CCDC157: variants seen among roughly 807,000 people sequenced by gnomAD.
CCDC157 encodes coiled-coil domain containing 157.
In CCDC157, 60 loss-of-function variants were observed where a neutral mutation model predicts 70.9. That is an observed-to-expected ratio of 0.85 (90% confidence interval 0.69 to 1.05). The LOEUF (loss-of-function observed/expected upper bound fraction) is 1.05, where lower values mean the gene tolerates loss of function less well. CCDC157 is among the 50% of genes least tolerant of loss of function. The pLI, the probability that CCDC157 is intolerant of heterozygous loss-of-function variation, is 0.00. For missense variants in CCDC157, 943 were observed against 984.2 expected, an observed-to-expected ratio of 0.96 and a Z score of 0.56; for synonymous variants, 373 against 422.4, an observed-to-expected ratio of 0.88 and a Z score of 1.43.
At chr22:30,356,837 C>G (rs1292579760), upstream of CCDC157, 1 of 1,302,438 alleles carries the variant, frequency 7.7e-7, no homozygotes, top group South Asian at 2.1e-5. Flanking sequence ...TGTCGGTGAG[C>G]GGTGCCGCCT....
intron 2 of CCDC157, 97 bp from the exon 3 acceptor site, chr22:30,365,892 CG>C: frequency 8.2e-7 from 1 of 1,218,778 alleles, no homozygotes; most frequent in Non-Finnish European, 1.1e-6. Flanking sequence ...GGTGAACTTC[CG>C]GCCTAGCAGC....
intron 9 of CCDC157, 170 bp from the exon 10 acceptor site, chr22:30,375,309 T>A: frequency 1.6e-6 from 1 of 626,848 alleles, no homozygotes; most frequent in Non-Finnish European, 2.7e-6. Context: ...GATTTTATAA[T>A]ACTATGGTCA....
chr22:30,371,403 A>G (rs985011947), intron 5 of CCDC157: 34 of 553,822 alleles, frequency 6.1e-5, no homozygotes, highest in Middle Eastern at 9.6e-4. Flanking sequence ...TCTGAGCCTC[A>G]TCACAGTTGC....
Position 30,372,208 on chromosome 22 carries a change from T to G in CCDC157, c.1257T>G (p.Ala419=). The change falls in exon 7 of 12, where the codon GCT becomes GCG. Residue 419 remains alanine, a synonymous_variant. Transcript: ENST00000338306. ...TGTTGGTGGGTCGGCTGGAGGGCGCTGGCCAGCAGGTCTGCTGGGCCAGCA... is the reference window on the plus strand; with the variant it reads ...TGTTGGTGGGTCGGCTGGAGGGCGCGGGCCAGCAGGTCTGCTGGGCCAGCA... ...VQLLVGRLEG[A]GQQVCWASTE... is the part of the protein sequence containing the mutation. 1 of 1,593,962 alleles carries G rather than the reference T, an allele frequency of 6.3e-7. No individual in the cohort carries two copies. The highest frequency in any genetic ancestry group is 8.5e-7 in the Non-Finnish European group (1 of 1,173,696).
intron 10 of CCDC157, 81 bp from the exon 11 acceptor site, chr22:30,376,178 C>A: frequency 7.4e-7 from 1 of 1,344,806 alleles, no homozygotes; most frequent in Non-Finnish European, 1.0e-6. Flanking sequence ...CCTCCCCATC[C>A]CTGGCTACGA....
In CCDC157 at chr22:30,370,776, G is replaced by T. The variant is rs541801601; in HGVS notation, c.871G>T (p.Glu291Ter). 1.9e-6 allele frequency: 3 copies of T among 1,613,586 alleles called. No individual in the cohort carries two copies. The South Asian group carries it at 3.3e-5, about 18-fold the overall frequency. ...KDLTRLSKHV[E>*]ALRAQLEEAE... ...CCTGACGCGCCTCAGTAAGCATGTG[G>T]AGGCCCTCAGGGCCCAGCTGGAGGA... The change falls in exon 5 of 12, where the codon GAG (glutamate) becomes TAG (stop). Residue 291 changes from glutamate to a stop codon, truncating the protein, a stop_gained. Coordinates refer to ENST00000338306, the MANE Select transcript of CCDC157 (RefSeq NM_001017437.5). LOFTEE classifies it high-confidence loss of function.
intron 7 of CCDC157, chr22:30,373,292 TG>T: frequency 2.9e-6 from 1 of 342,978 alleles, no homozygotes; most frequent in Non-Finnish European, 5.4e-6. Context: ...CCTCTCCAAG[TG>T]GGGTCTGTGT....
chr22:30,365,073 G>C (rs1001705080), intron 2 of CCDC157, among the ~76,000 whole-genome samples: 69 of 152,336 alleles, frequency 4.5e-4, no homozygotes, highest in African/African-American at 1.6e-3. Context: ...TCAGAGAGAA[G>C]GCCATTCCAG....
At chr22:30,365,308 C>T (rs1247694140) in intron 2 of CCDC157, among the ~76,000 whole-genome samples, 2 of 137,146 alleles carry the variant, frequency 1.5e-5, no homozygotes, top group Non-Finnish European at 3.1e-5. Context: ...AGCTGCAACT[C>T]GTAGCTGATG....
chr22:30,369,658 G>C, intron 4 of CCDC157, 55 bp downstream of exon 4: 4 of 1,358,790 alleles, frequency 2.9e-6, no homozygotes, highest in Non-Finnish European at 3.8e-6. Flanking sequence ...TCTCCCCACT[G>C]TGGTGGCCTT....
chr22:30,370,332 G>A lies in CCDC157; in HGVS notation c.427G>A (p.Ala143Thr). The change falls in exon 5 of 12, where the codon GCA (alanine) becomes ACA (threonine). Residue 143 changes from alanine to threonine, a missense_variant. Ala to Thr is a moderately conservative substitution (Grantham distance 58). Coordinates refer to ENST00000338306, the MANE Select transcript of CCDC157 (RefSeq NM_001017437.5). ...TGTCTTTTTCTGAACACAGAAAGGG[G>A]CAAACCAAAGGGAGACTCCCACCTC... ...LHQQPLPQKG[A>T]NQRETPTSKP... 1.2e-6 allele frequency: 2 copies of A among 1,613,370 alleles called. No individual in the cohort carries two copies. Among genetic ancestry groups the A allele is most frequent in the Non-Finnish European group, 1.7e-6 (2 of 1,179,542 alleles).
At position 30,376,256 on chromosome 22, in the gene CCDC157, TA is replaced by T; in HGVS notation, c.1858-2del. ...AAGACTGGCTTTTTTTTTTTTTTTG[TA>T]GCTGATCCCGCAGGACCGGCTCTGG... On this transcript the variant is annotated splice_acceptor_variant, in intron 10 of 11. Transcript: ENST00000338306. LOFTEE classifies it high-confidence loss of function. The T allele has an allele frequency of 6.2e-7, 1 of 1,606,358 alleles. No homozygotes were observed. Among genetic ancestry groups the T allele is most frequent in the African/African-American group, 1.4e-5 (1 of 73,764 alleles).
rs760012591 is a variant in CCDC157, at chr22:30,372,101, G to A, written c.1150G>A (p.Glu384Lys). The change falls in exon 7 of 12, where the codon GAA becomes AAA. Residue 384 changes from glutamate (E) to lysine (K), a missense_variant. Coordinates refer to ENST00000338306, the MANE Select transcript of CCDC157 (RefSeq NM_001017437.5). Reference sequence around the variant, plus strand: ...GGCAAAGGCCCAGCAGCTGCAGGAGGAAGGTGAGCGCAGGGCGGCAGCGGA... The same window carrying A: ...GGCAAAGGCCCAGCAGCTGCAGGAGAAAGGTGAGCGCAGGGCGGCAGCGGA... Reference protein sequence around the residue: ...VEAKAQQLQEEGERRAAAERQ... With the variant: ...VEAKAQQLQEKGERRAAAERQ... 10 of 1,552,550 alleles carry A rather than the reference G, an allele frequency of 6.4e-6. No individual in the cohort carries two copies. Among genetic ancestry groups the A allele is most frequent in the Non-Finnish European group, 7.8e-6 (9 of 1,148,090 alleles).
At position 30,375,614 on chromosome 22, in the gene CCDC157, A is replaced by C; in HGVS notation, c.1808A>C (p.Gln603Pro). 3.7e-6 allele frequency: 6 copies of C among 1,614,144 alleles called. No individual in the cohort carries two copies. The highest frequency in any genetic ancestry group is 4.2e-6 in the Non-Finnish European group (5 of 1,180,024). The change falls in exon 10 of 12, where the codon CAA becomes CCA. Residue 603 changes from glutamine to proline, a missense_variant. Coordinates refer to ENST00000338306, the MANE Select transcript of CCDC157 (RefSeq NM_001017437.5). ...CTACAGGAGGAGAACGGGCGGCTCC[A>C]ATCAATGCTGTCCAAAATCCGGGAA... Reference protein sequence around the residue: ...RVLQEENGRLQSMLSKIREVA... With the variant: ...RVLQEENGRLPSMLSKIREVA...
At chr22:30,356,932 G>A, upstream of CCDC157, 2 of 680,534 alleles carry the variant, frequency 2.9e-6, no homozygotes, top group East Asian at 3.4e-5. Context: ...GGTACGACTG[G>A]CGCACTTCCG....
intron 1 of CCDC157, among the ~76,000 whole-genome samples, chr22:30,358,655 T>C (rs141857987): frequency 4.7e-4 from 71 of 152,350 alleles, no homozygotes; most frequent in African/African-American, 1.6e-3. Context: ...GGCGCTTGAA[T>C]GTTGAACGGA....
chr22:30,363,507 C>G (rs887390335), intron 2 of CCDC157, among the ~76,000 whole-genome samples: 1 of 152,012 alleles, frequency 6.6e-6, no homozygotes, highest in African/African-American at 2.4e-5. Flanking sequence ...GACAATGTCC[C>G]CATCTTACAG....
chr22:30,376,442 C>A lies in CCDC157; in HGVS notation c.1956C>A (p.Gly652=), dbSNP rs776672215. The change falls in exon 12 of 12, where the codon GGC becomes GGA. Residue 652 remains glycine (G), a synonymous_variant. Transcript: ENST00000338306. ...TCTGGTTTTCCTTCAGGCCTCTGGG[C>A]AGACAGCACCTTCCTAGCAGCAGGA... The part of the protein sequence containing the change: ...QAKSTSPGPL[G]RQHLPSSRTG... 1.2e-6 allele frequency: 2 copies of A among 1,613,900 alleles called. No individual in the cohort carries two copies. Among genetic ancestry groups the A allele is most frequent in the Non-Finnish European group, 1.7e-6 (2 of 1,179,920 alleles).
chr22:30,367,249 C>G (rs1569185599), intron 3 of CCDC157, among the ~76,000 whole-genome samples: 1 of 149,782 alleles, frequency 6.7e-6, no homozygotes, highest in African/African-American at 2.5e-5. Flanking sequence ...TTGGTGCATG[C>G]CTTTTTTTTT....
Sources: gnomAD v4.1 joint callset for allele counts (sites outside exome capture counted in the v4.1 genomes callset) on GRCh38, gnomAD v4.1.1 for gene constraint, MANE v1.5 for transcripts, NCBI Gene and HGNC (gene_info 2026-07-23, HGNC 2026-07-21) for gene names.